Variants in HHAT observed in about 807,000 individuals in gnomAD.
HHAT encodes the protein protein-cysteine N-palmitoyltransferase HHAT.
HHAT carries 47 observed loss-of-function variants against 70.8 expected under a neutral mutation model. That is an observed-to-expected ratio of 0.66 (90% CI 0.53 to 0.85). HHAT has a LOEUF of 0.85. HHAT is among the 40% of genes least tolerant of loss of function. The probability of loss-of-function intolerance (pLI) is 0.00; values close to 1 mark genes in which losing one functional copy is unlikely to be tolerated. For missense variants in HHAT, 609 were observed against 604.8 expected, an observed-to-expected ratio of 1.01 and a Z score of -0.07; for synonymous variants, 228 against 247.6, an observed-to-expected ratio of 0.92 and a Z score of 0.74.
chr1:210,345,516 CTT>C (rs1435772244), intron 1 of HHAT, among the ~76,000 whole-genome samples: 1 of 152,156 alleles, frequency 6.6e-6, no homozygotes, highest in Non-Finnish European at 1.5e-5. Context: ...ATTCACCAAA[CTT>C]GGGTAAATAA....
At chr1:210,381,879 C>T (rs1176355770) in intron 3 of HHAT, among the ~76,000 whole-genome samples, 1 of 152,076 alleles carries the variant, frequency 6.6e-6, no homozygotes, top group Non-Finnish European at 1.5e-5. Context: ...TCACTTAGGG[C>T]GTCTCGGTGA....
chr1:210,587,094 G>A (rs975621163), intron 9 of HHAT, among the ~76,000 whole-genome samples: 1 of 152,160 alleles, frequency 6.6e-6, no homozygotes, highest in Non-Finnish European at 1.5e-5. Context: ...CTTACCAATT[G>A]CATTTAAATA....
At chr1:210,348,753 G>GTGTGTT (rs2086752060) in intron 1 of HHAT, among the ~76,000 whole-genome samples, 180 bp from the exon 2 acceptor site, 1 of 151,602 alleles carries the variant, frequency 6.6e-6, no homozygotes, top group South Asian at 2.1e-4. Flanking sequence ...GTGTGTGTGT[G>GTGTGTT]TGTGTGTGTT....
chr1:210,669,439 C>T (rs897226396), intron 11 of HHAT, among the ~76,000 whole-genome samples: 4 of 152,238 alleles, frequency 2.6e-5, no homozygotes, highest in African/African-American at 9.6e-5. Flanking sequence ...CATGATACAA[C>T]CACCTACATC....
At chr1:210,596,197 G>A (rs1662956173) in intron 10 of HHAT, among the ~76,000 whole-genome samples, 1 of 152,156 alleles carries the variant, frequency 6.6e-6, no homozygotes, top group South Asian at 2.1e-4. Flanking sequence ...TGGCTAGCCA[G>A]TTTTCCCAGC....
intron 8 of HHAT, among the ~76,000 whole-genome samples, chr1:210,477,087 A>G (rs1428721960): frequency 6.6e-6 from 1 of 152,196 alleles, no homozygotes; most frequent in East Asian, 1.9e-4. Flanking sequence ...TGACTTTACC[A>G]GGGGATGGGA....
chr1:210,465,037 G>T (rs565470987), intron 8 of HHAT, among the ~76,000 whole-genome samples: 201 of 152,296 alleles, frequency 1.3e-3, no homozygotes, highest in African/African-American at 4.6e-3. Flanking sequence ...ACTCAGGATA[G>T]GAGGTTAGGC....
At chr1:210,577,331 T>C (rs1658041672) in intron 9 of HHAT, among the ~76,000 whole-genome samples, 1 of 152,222 alleles carries the variant, frequency 6.6e-6, no homozygotes, top group South Asian at 2.1e-4. Context: ...ATATGGACTT[T>C]ATTGTATTGA....
intron 4 of HHAT, among the ~76,000 whole-genome samples, chr1:210,397,233 A>G (rs556582996): frequency 6.6e-6 from 1 of 152,372 alleles, no homozygotes; most frequent in East Asian, 1.9e-4. Flanking sequence ...GTTGTATGCA[A>G]CTGGAATCTG....
chr1:210,522,715 C>A (rs2095177651), intron 9 of HHAT, among the ~76,000 whole-genome samples: 1 of 152,152 alleles, frequency 6.6e-6, no homozygotes. Context: ...AATCACTCAG[C>A]CCTGTGCCTG....
chr1:210,477,361 G>C (rs763245832), intron 8 of HHAT, among the ~76,000 whole-genome samples: 3 of 152,168 alleles, frequency 2.0e-5, no homozygotes, highest in Non-Finnish European at 2.9e-5. Context: ...TCTTCCCACT[G>C]TTTCCCTAGA....
chr1:210,507,675 A>G (rs984831712), intron 8 of HHAT, among the ~76,000 whole-genome samples: 9 of 152,052 alleles, frequency 5.9e-5, no homozygotes, highest in African/African-American at 2.2e-4. Flanking sequence ...ATATATTTCT[A>G]GAGTTCATTG....
intron 3 of HHAT, among the ~76,000 whole-genome samples, chr1:210,383,061 C>T (rs1007690865): frequency 2.6e-5 from 4 of 152,156 alleles, no homozygotes; most frequent in African/African-American, 4.8e-5. Flanking sequence ...AGCTTCAGGC[C>T]GGGCACGGTG....
intron 8 of HHAT, among the ~76,000 whole-genome samples, chr1:210,510,849 A>G (rs1216778456): frequency 6.6e-6 from 1 of 152,180 alleles, no homozygotes; most frequent in Non-Finnish European, 1.5e-5. Context: ...TGACCCCACT[A>G]TATACTGCGG....
intron 9 of HHAT, among the ~76,000 whole-genome samples, chr1:210,554,092 T>C (rs569577779): frequency 6.6e-6 from 1 of 151,984 alleles, no homozygotes; most frequent in South Asian, 2.1e-4. Context: ...ACACTGCATG[T>C]GGAGGGGCAG....
intron 2 of HHAT, among the ~76,000 whole-genome samples, chr1:210,361,724 C>A (rs2088335013): frequency 6.6e-6 from 1 of 152,046 alleles, no homozygotes; most frequent in Non-Finnish European, 1.5e-5. Flanking sequence ...CCATTCTTGT[C>A]TATGTACTCT....
rs183593314 is a variant in HHAT, at chr1:210,581,633, T to C, written c.1044-6265T>C. Among the ~76,000 whole-genome samples the C allele has an allele frequency of 9.8e-4, 149 of 152,348 alleles. No individual in the cohort carries two copies. In the Middle Eastern group the frequency reaches 0.017, roughly 17 times the overall value. ...TAGGGTTGGAGTAGTTCCAGAGGTG[T>C]GGTGACACATACTTTTGACTTTAGT... is the stretch of plus-strand genomic sequence containing the variant. On this transcript the variant is annotated intron_variant, in intron 9 of 11. Transcript: ENST00000261458.
At chr1:210,525,114 G>C (rs1478340177) in intron 9 of HHAT, among the ~76,000 whole-genome samples, 1 of 151,924 alleles carries the variant, frequency 6.6e-6, no homozygotes, top group Admixed American at 6.6e-5. Flanking sequence ...TCCTTCACTG[G>C]TTCATCTCTC....
intron 9 of HHAT, among the ~76,000 whole-genome samples, chr1:210,565,956 G>A (rs140484600): frequency 2.5e-3 from 384 of 152,280 alleles, no homozygotes; most frequent in Non-Finnish European, 4.0e-3. Context: ...TAGCTCTAGC[G>A]TCCTCTGTGC....
Sources: allele counts gnomAD v4.1 joint callset (sites outside exome capture counted in the v4.1 genomes callset), GRCh38; gene constraint gnomAD v4.1.1; transcripts MANE v1.5; gene names NCBI Gene and HGNC (gene_info 2026-07-23, HGNC 2026-07-21).